The following CADM2 variants were observed in gnomAD, a reference collection of about 807,000 sequenced individuals.
CADM2 encodes the protein immunoglobulin superfamily member 4D.
Under a neutral mutation model 49.8 loss-of-function variants are expected in CADM2, and 12 were observed. The observed-to-expected ratio is 0.24, with a 90% CI of 0.15 to 0.39. The LOEUF is 0.39. Among genes scored for constraint, CADM2 ranks in the 10% least tolerant of loss-of-function variants. The pLI is 1.00. For missense variants in CADM2, 378 were observed against 492.3 expected (o/e 0.77, Z 2.20); for synonymous variants, 214 against 175.4 (o/e 1.22, Z -1.74).
At chr3:85,762,130 A>G (rs1287394323) in intron 2 of CADM2, among the ~76,000 whole-genome samples, 1 of 152,188 alleles carries the variant, frequency 6.6e-6, no homozygotes, top group Non-Finnish European at 1.5e-5. Context: ...CCTTTACATA[A>G]CTAAGTGTAG....
intron 6 of CADM2, among the ~76,000 whole-genome samples, chr3:85,919,703 C>T (rs1229429632): frequency 1.3e-5 from 2 of 151,788 alleles, no homozygotes; most frequent in Non-Finnish European, 3.0e-5. Flanking sequence ...GAAGAGATTC[C>T]TTCCTTGCCT....
intron 1 of CADM2, among the ~76,000 whole-genome samples, chr3:85,236,356 G>A (rs972375059): frequency 1.2e-4 from 18 of 151,886 alleles, no homozygotes; most frequent in African/African-American, 3.9e-4. Flanking sequence ...GGATTAAGAC[G>A]TCAATTCTAG....
chr3:85,687,790 G>T lies in CADM2; in HGVS notation c.62-38732G>T, dbSNP rs142533603. Among the ~76,000 whole-genome samples, 225 of 152,156 alleles carry T rather than the reference G, an allele frequency of 1.5e-3. 1 individual carries two copies. Among genetic ancestry groups the T allele is most frequent in the African/African-American group, 5.2e-3 (214 of 41,500 alleles). On this transcript the variant is annotated intron_variant, in intron 1 of 9. Coordinates refer to ENST00000383699, the MANE Select transcript of CADM2 (RefSeq NM_001167675.2). ...CAGAGATAGTTTTTTCTAGAGCAAGGGTCCCCACACTGCTTGCCATGGACC... is the reference window on the plus strand; with the variant it reads ...CAGAGATAGTTTTTTCTAGAGCAAGTGTCCCCACACTGCTTGCCATGGACC...
chr3:85,460,174 A>G (rs754985607), intron 1 of CADM2, among the ~76,000 whole-genome samples: 13 of 152,146 alleles, frequency 8.5e-5, no homozygotes, highest in Non-Finnish European at 1.5e-4. Flanking sequence ...TGTTCATACT[A>G]AACTTTATGT....
intron 1 of CADM2, among the ~76,000 whole-genome samples, chr3:85,234,186 T>G (rs1289250230): frequency 6.6e-6 from 1 of 152,154 alleles, no homozygotes; most frequent in Non-Finnish European, 1.5e-5. Flanking sequence ...TCCTCTTTAC[T>G]TGATATTTAA....
chr3:85,998,760 G>A (rs948458181), intron 8 of CADM2, among the ~76,000 whole-genome samples: 36 of 152,060 alleles, frequency 2.4e-4, no homozygotes, highest in African/African-American at 8.7e-4. Context: ...AGAAAGAAAG[G>A]AATGACAAGA....
rs1302338886 is a variant in CADM2 at position 86,068,707 on chromosome 3, A to C, written c.*1924A>C. ...CAAAAGAAAAAGGACGATGTCAGTC[A>C]AGCAGCACTTTTTCAGAATATACAG... On this transcript the variant is annotated 3_prime_UTR_variant, in exon 10 of 10. Transcript: ENST00000383699. 6.6e-6 allele frequency: 1 copy of C among 152,398 alleles called. No individual in the cohort carries two copies. The highest frequency in any genetic ancestry group is 1.5e-5 in the Non-Finnish European group (1 of 67,864). The allele number at this position is 152,398 out of a possible 1,614,324, so 9.4% of individuals were successfully genotyped here. A position where few individuals can be genotyped will look rare whatever the true frequency, so the allele number is the denominator to read the frequency against.
chr3:85,541,773 T>TATATATATATATATATATATATATA (rs1553739263), intron 1 of CADM2, among the ~76,000 whole-genome samples: 2 of 6,178 alleles, frequency 3.2e-4, no homozygotes, highest in East Asian at 0.05. Flanking sequence ...ATATTTTATA[T>TATATATATATATATATATATATATA]TTTATATATA....
At chr3:85,074,228 G>T (rs556594252) in intron 1 of CADM2, among the ~76,000 whole-genome samples, 58 of 152,094 alleles carry the variant, frequency 3.8e-4, no homozygotes, top group African/African-American at 1.3e-3. Context: ...TAGAGCCTTT[G>T]TACTATTTCC....
intron 1 of CADM2, among the ~76,000 whole-genome samples, chr3:85,379,943 A>G (rs1273425013): frequency 2.0e-5 from 3 of 152,104 alleles, no homozygotes; most frequent in South Asian, 4.1e-4. Flanking sequence ...TGCACATTCT[A>G]CGCAAGAAAG....
chr3:85,644,022 T>C (rs753365063), intron 1 of CADM2, among the ~76,000 whole-genome samples: 4 of 152,054 alleles, frequency 2.6e-5, no homozygotes, highest in Non-Finnish European at 1.5e-5. Context: ...ATATTTAAGA[T>C]TGAAAGAAAG....
chr3:85,354,351 T>C (rs778472792), intron 1 of CADM2, among the ~76,000 whole-genome samples: 56 of 80,504 alleles, frequency 7.0e-4, no homozygotes, highest in African/African-American at 1.1e-3. Flanking sequence ...CGGGGACTGT[T>C]GTGGGGTGGG....
intron 1 of CADM2, among the ~76,000 whole-genome samples, chr3:85,133,013 T>C (rs1047731790): frequency 1.3e-5 from 2 of 152,134 alleles, no homozygotes; most frequent in Non-Finnish European, 2.9e-5. Context: ...GGCTCAGAAG[T>C]GAAGCTGCAG....
rs1187337704 is a variant in CADM2 at position 86,069,639 on chromosome 3, G to A, written c.*2856G>A. 2.0e-5 allele frequency: 3 copies of A among 151,914 alleles called. No individual in the cohort carries two copies. In the South Asian group the frequency reaches 6.2e-4, roughly 31 times the overall value. 9.4% of individuals were successfully genotyped at this position (151,914 alleles called of 1,614,324 possible). On this transcript the variant is annotated 3_prime_UTR_variant, in exon 10 of 10. Transcript: ENST00000383699. Reference sequence around the variant, plus strand: ...ACATGCACACTTGTGTGCACATAGAGTCAATTTCTGTCTCTTCTAAGTGAG... The same window carrying A: ...ACATGCACACTTGTGTGCACATAGAATCAATTTCTGTCTCTTCTAAGTGAG...
At chr3:86,012,396 C>G (rs925173007) in intron 8 of CADM2, among the ~76,000 whole-genome samples, 1 of 152,204 alleles carries the variant, frequency 6.6e-6, no homozygotes, top group Admixed American at 6.5e-5. Context: ...TGGTCACACA[C>G]AATAAATTAC....
intron 1 of CADM2, among the ~76,000 whole-genome samples, chr3:85,246,599 A>G (rs1036755053): frequency 5.9e-5 from 9 of 152,142 alleles, no homozygotes; most frequent in African/African-American, 1.9e-4. Context: ...TAATTGTAAA[A>G]TATAAATTTG....
chr3:85,098,105 G>A (rs909854401), intron 1 of CADM2, among the ~76,000 whole-genome samples: 2 of 152,134 alleles, frequency 1.3e-5, no homozygotes, highest in Middle Eastern at 3.2e-3. Flanking sequence ...GCAACCATGT[G>A]ATTGGCATTA....
intron 1 of CADM2, among the ~76,000 whole-genome samples, chr3:85,412,844 T>C (rs1358769335): frequency 1.3e-5 from 2 of 152,052 alleles, no homozygotes; most frequent in African/African-American, 4.8e-5. Context: ...TTAGGACAGT[T>C]ATGAATTTTC....
intron 1 of CADM2, among the ~76,000 whole-genome samples, chr3:85,656,621 T>C (rs1035928739): frequency 2.6e-5 from 4 of 151,902 alleles, no homozygotes; most frequent in African/African-American, 9.7e-5. Context: ...ATCTCCAAAA[T>C]AATAATAATG....
Sources: allele counts gnomAD v4.1 joint callset (sites outside exome capture counted in the v4.1 genomes callset), GRCh38; gene constraint gnomAD v4.1.1; transcripts MANE v1.5; gene names NCBI Gene and HGNC (gene_info 2026-07-23, HGNC 2026-07-21).